The following SLC37A2 variants were observed in gnomAD, a reference collection of about 807,000 sequenced individuals.
SLC37A2 encodes glucose-6-phosphate exchanger SLC37A2.
In SLC37A2, 59 loss-of-function variants were observed where a neutral mutation model predicts 70.7. That is an observed-to-expected ratio of 0.83 (90% CI 0.68 to 1.04). SLC37A2 has a LOEUF of 1.04. SLC37A2 is among the 50% of genes least tolerant of loss of function. SLC37A2 has a pLI of 0.00. For missense variants in SLC37A2, 580 were observed against 658.1 expected, an observed-to-expected ratio of 0.88 and a Z score of 1.30; for synonymous variants, 257 against 262.1, an observed-to-expected ratio of 0.98 and a Z score of 0.19.
chr11:125,084,496 A>G (rs768049729), intron 12 of SLC37A2, among the ~76,000 whole-genome samples, 177 bp downstream of exon 12: 2 of 152,242 alleles, frequency 1.3e-5, no homozygotes, highest in African/African-American at 4.8e-5. Context: ...CACCTTGGAA[A>G]AAGAGCCAGA....
At position 125,084,387 on chromosome 11, in the gene SLC37A2, T is replaced by A. The variant is rs1949181360; in HGVS notation, c.1125+68T>A. On this transcript the variant is annotated intron_variant, in intron 12 of 17. Coordinates refer to ENST00000403796, the MANE Select transcript of SLC37A2 (RefSeq NM_001145290.2). ...GGAGCCTGTGTGGGCCTCTGGCCTA[T>A]GTGCACGTCCACGCGTTACACACAT... is the stretch of plus-strand genomic sequence containing the variant. The A allele has an allele frequency of 2.0e-6, 3 of 1,467,258 alleles. No individual in the cohort carries two copies. The South Asian group carries it at 3.4e-5, about 17-fold the overall frequency. 90.9% of individuals were successfully genotyped at this position (1,467,258 alleles called of 1,614,324 possible). A position where few individuals can be genotyped will look rare whatever the true frequency, so the allele number is the denominator to read the frequency against.
At position 125,082,020 on chromosome 11, in the gene SLC37A2, GGTGTAA is replaced by G. The variant is rs1453850185; in HGVS notation, c.885+117_885+122del. 9.4e-6 allele frequency: 12 copies of G among 1,270,650 alleles called. No homozygotes were observed. In the African/African-American group the frequency reaches 1.5e-4, roughly 16 times the overall value. 78.7% of individuals were successfully genotyped at this position (1,270,650 alleles called of 1,614,324 possible). On this transcript the variant is annotated intron_variant, in intron 9 of 17. Coordinates refer to ENST00000403796, the MANE Select transcript of SLC37A2 (RefSeq NM_001145290.2). ...TTTTCTAGAACTTCTTTATAGGGGA[GGTGTAA>G]GTTGGGCAGCCTGCTTGGGGAGGGC...
rs1366852824 is a variant in SLC37A2 at position 125,089,979 on chromosome 11, G to A, written c.*1845G>A. On this transcript the variant is annotated 3_prime_UTR_variant, in exon 18 of 18. Coordinates refer to ENST00000403796, the MANE Select transcript of SLC37A2 (RefSeq NM_001145290.2). ...GGCTCCTGAGTCTGATGGGGACGTG[G>A]AGAGTCCTTATGTCCTGCTCAGGGA... 4 of 153,392 alleles carry A rather than the reference G, an allele frequency of 2.6e-5. No individual in the cohort carries two copies. The highest frequency in any genetic ancestry group is 2.0e-4 in the South Asian group (1 of 4,884). The allele number at this position is 153,392 out of a possible 1,614,324, so 9.5% of individuals were successfully genotyped here.
chr11:125,085,806 ACT>A, intron 16 of SLC37A2, 132 bp downstream of exon 16: 1 of 1,244,070 alleles, frequency 8.0e-7, no homozygotes, highest in South Asian at 1.3e-5. Flanking sequence ...GCTCAGAAGC[ACT>A]CTCCCTCCCC....
At chr11:125,070,855 T>G (rs894978804) in intron 1 of SLC37A2, among the ~76,000 whole-genome samples, 2 of 152,144 alleles carry the variant, frequency 1.3e-5, no homozygotes, top group African/African-American at 4.8e-5. Flanking sequence ...CCTCTCTCCC[T>G]CCCTACAGTG....
intron 1 of SLC37A2, among the ~76,000 whole-genome samples, chr11:125,070,299 G>C (rs1204188136): frequency 1.3e-5 from 2 of 152,210 alleles, no homozygotes; most frequent in African/African-American, 4.8e-5. Context: ...CCGGATCCTG[G>C]TGCCCACTCT....
Position 125,080,582 on chromosome 11 carries a change from T to TAAA in SLC37A2, c.528-31_528-30insAAA. The TAAA allele has an allele frequency of 6.9e-7, 1 of 1,440,162 alleles. No individual in the cohort carries two copies. 89.2% of individuals were successfully genotyped at this position (1,440,162 alleles called of 1,614,324 possible). On this transcript the variant is annotated intron_variant, in intron 6 of 17. Coordinates refer to ENST00000403796, the MANE Select transcript of SLC37A2 (RefSeq NM_001145290.2). This position sits in a 1 kb window ranked among gnomAD's most constrained non-coding sequence, Gnocchi z 4.3. The stretch of plus-strand genomic sequence containing the variant: ...ACAATGTGCTTTGCTTTTTACTTTT[T>TAAA]ATACCTCTTCCCTTCTCTCCCTCCC...
intron 9 of SLC37A2, 39 bp downstream of exon 9, chr11:125,081,945 C>A: frequency 6.4e-7 from 1 of 1,561,204 alleles, no homozygotes; most frequent in Non-Finnish European, 8.7e-7. Context: ...GAGGGGCTTT[C>A]CAGATTTTTT....
At chr11:125,078,721 T>C (rs1591631655) in intron 4 of SLC37A2, among the ~76,000 whole-genome samples, 1 of 152,026 alleles carries the variant, frequency 6.6e-6, no homozygotes, top group South Asian at 2.1e-4. Flanking sequence ...GGCATCCAAA[T>C]AAAGATGTCC....
intron 10 of SLC37A2, chr11:125,083,000 C>G (rs1424627392): frequency 6.6e-6 from 1 of 152,646 alleles, no homozygotes; most frequent in Non-Finnish European, 1.5e-5. Context: ...CAGCAGCCCA[C>G]CCCGCCCTGC....
intron 17 of SLC37A2, 48 bp downstream of exon 17, chr11:125,086,066 T>A (rs372287273): frequency 6.3e-7 from 1 of 1,591,272 alleles, no homozygotes; most frequent in Non-Finnish European, 8.6e-7. Context: ...TCATTTCTCG[T>A]GGGAATCAGC....
intron 1 of SLC37A2, among the ~76,000 whole-genome samples, chr11:125,064,132 TGTTA>T (rs1457689982): frequency 2.0e-5 from 3 of 152,216 alleles, no homozygotes; most frequent in Non-Finnish European, 4.4e-5. Context: ...TAAAATATTG[TGTTA>T]GTTGCCATTA....
intron 1 of SLC37A2, among the ~76,000 whole-genome samples, chr11:125,071,914 T>C (rs1359714284): frequency 6.6e-6 from 1 of 152,224 alleles, no homozygotes; most frequent in Non-Finnish European, 1.5e-5. Flanking sequence ...CAGCCCTCTA[T>C]CCTTTTCAGA....
At chr11:125,074,492 C>T (rs929416483) in intron 1 of SLC37A2, among the ~76,000 whole-genome samples, 1 of 152,052 alleles carries the variant, frequency 6.6e-6, no homozygotes, top group African/African-American at 2.4e-5. Flanking sequence ...GGCACAGCTC[C>T]TCCTACTGAG....
intron 4 of SLC37A2, among the ~76,000 whole-genome samples, chr11:125,077,912 A>G (rs1007802590): frequency 6.6e-6 from 1 of 152,182 alleles, no homozygotes; most frequent in Admixed American, 6.5e-5. Context: ...TCCACGATCA[A>G]TAAGGCTGCA....
chr11:125,065,343 C>G lies in SLC37A2; in HGVS notation c.59+1917C>G, dbSNP rs570264881. 1.3e-4 allele frequency among the ~76,000 whole-genome samples: 20 copies of G among 152,182 alleles called. No individual in the cohort carries two copies. The East Asian group carries it at 2.9e-3, about 22-fold the overall frequency. The stretch of plus-strand genomic sequence containing the variant: ...GCAAGTGTGTTAGTTTACCATATAC[C>G]CCTTGTTAAGTTAATAAACTTAGCT... On this transcript the variant is annotated intron_variant, in intron 1 of 17. Transcript: ENST00000403796.
chr11:125,081,814 A>G lies in SLC37A2; in HGVS notation c.793A>G (p.Arg265Gly), dbSNP rs776004642. 1 of 1,613,930 alleles carries G rather than the reference A, an allele frequency of 6.2e-7. No individual in the cohort carries two copies. The highest frequency in any genetic ancestry group is 1.1e-5 in the South Asian group (1 of 91,068). Residue 265 changes from arginine to glycine, a missense_variant, in exon 9 of 18, where the codon AGG (arginine) becomes GGG (glycine). Arg to Gly is a moderately radical substitution (Grantham distance 125). Transcript: ENST00000403796. Reference protein sequence around the residue: ...EDPGNSPCSIRESGLETVAKC... With the variant: ...EDPGNSPCSIGESGLETVAKC... ...CCCTGGGAACAGTCCCTGCTCTATC[A>G]GGGAGAGCGGCCTTGAGACTGTGGC...
At chr11:125,085,762 T>G in intron 16 of SLC37A2, 88 bp downstream of exon 16, 1 of 1,432,856 alleles carries the variant, frequency 7.0e-7, no homozygotes, top group Non-Finnish European at 9.7e-7. Flanking sequence ...GTTGGCCATT[T>G]GGGGTTCTGG....
intron 1 of SLC37A2, among the ~76,000 whole-genome samples, chr11:125,074,947 G>T (rs1949067614): frequency 6.6e-6 from 1 of 152,182 alleles, no homozygotes; most frequent in East Asian, 1.9e-4. Context: ...GCTGCCTGGG[G>T]GGCCTTACCG....
Sources: allele counts gnomAD v4.1 joint callset (sites outside exome capture counted in the v4.1 genomes callset), GRCh38; gene constraint gnomAD v4.1.1; non-coding constraint Gnocchi (gnomAD v3.1); transcripts MANE v1.5; gene names NCBI Gene and HGNC (gene_info 2026-07-23, HGNC 2026-07-21).